The following PCED1B variants were observed in gnomAD, a reference collection of about 807,000 sequenced individuals.
The protein encoded by PCED1B is PC-esterase domain containing 1B.
For synonymous variants in PCED1B, 251 were observed against 246.1 expected (o/e 1.02, Z -0.19); for missense variants, 573 against 573.9 (o/e 1.00, Z 0.02).
intron 2 of PCED1B, among the ~76,000 whole-genome samples, chr12:47,179,321 C>T (rs1447894570): frequency 6.6e-6 from 1 of 152,180 alleles, no homozygotes; most frequent in Non-Finnish European, 1.5e-5. Context: ...CATCAAAGCT[C>T]ATCAGAACAT....
At chr12:47,149,707 G>A (rs991332238) in intron 2 of PCED1B, among the ~76,000 whole-genome samples, 22 of 152,154 alleles carry the variant, frequency 1.4e-4, no homozygotes, top group African/African-American at 5.1e-4. Context: ...CTTATTCATT[G>A]TGGAGAATTT....
chr12:47,190,940 G>A (rs557194814), intron 2 of PCED1B, among the ~76,000 whole-genome samples: 1 of 152,272 alleles, frequency 6.6e-6, no homozygotes, highest in Admixed American at 6.5e-5. Context: ...ACTTCTGGAT[G>A]CCATCAAGGA....
At chr12:47,133,766 T>A (rs953765052) in intron 2 of PCED1B, among the ~76,000 whole-genome samples, 16 of 152,174 alleles carry the variant, frequency 1.1e-4, no homozygotes, top group Admixed American at 7.2e-4. Flanking sequence ...ATGGACTGAA[T>A]GTTTCTGTCC....
chr12:47,178,592 G>C (rs752457956), intron 2 of PCED1B, among the ~76,000 whole-genome samples: 1 of 152,130 alleles, frequency 6.6e-6, no homozygotes, highest in East Asian at 1.9e-4. Context: ...GATGAGGCCA[G>C]GCGCGGTGGT....
intron 1 of PCED1B, among the ~76,000 whole-genome samples, chr12:47,081,024 A>T (rs376197426): frequency 6.6e-6 from 1 of 152,224 alleles, no homozygotes; most frequent in African/African-American, 2.4e-5. Flanking sequence ...GAACAAGGCC[A>T]TTCAGAAATG....
chr12:47,091,860 G>A (rs140772044), intron 1 of PCED1B, among the ~76,000 whole-genome samples: 1 of 152,158 alleles, frequency 6.6e-6, no homozygotes, highest in Non-Finnish European at 1.5e-5. Flanking sequence ...TATATGTGCA[G>A]GTCTACTTCT....
intron 2 of PCED1B, among the ~76,000 whole-genome samples, chr12:47,199,717 A>G (rs1191761798): frequency 5.9e-5 from 9 of 152,250 alleles, no homozygotes; most frequent in African/African-American, 2.2e-4. Context: ...TTTCACAAAA[A>G]TTAACTCAAA....
At chr12:47,111,998 T>C (rs531803117) in intron 2 of PCED1B, among the ~76,000 whole-genome samples, 1 of 152,120 alleles carries the variant, frequency 6.6e-6, no homozygotes, top group Non-Finnish European at 1.5e-5. Context: ...AGCCCCTCCA[T>C]AAGATGGCCA....
intron 2 of PCED1B, among the ~76,000 whole-genome samples, chr12:47,186,190 C>T (rs1294969163): frequency 3.3e-5 from 5 of 150,730 alleles, no homozygotes; most frequent in Non-Finnish European, 7.4e-5. Context: ...TGCACTCCAG[C>T]CTGGGTGACA....
At chr12:47,084,866 T>G (rs1937903450) in intron 1 of PCED1B, among the ~76,000 whole-genome samples, 1 of 152,254 alleles carries the variant, frequency 6.6e-6, no homozygotes, top group Non-Finnish European at 1.5e-5. Flanking sequence ...CTGGGATCGG[T>G]GGCTCATGCC....
intron 3 of PCED1B, among the ~76,000 whole-genome samples, chr12:47,230,748 C>A (rs1331623526): frequency 6.6e-6 from 1 of 152,106 alleles, no homozygotes; most frequent in African/African-American, 2.4e-5. Context: ...GGCCAACATA[C>A]CATTAATATA....
At chr12:47,120,660 G>T (rs1378951122) in intron 2 of PCED1B, among the ~76,000 whole-genome samples, 1 of 152,066 alleles carries the variant, frequency 6.6e-6, no homozygotes, top group Non-Finnish European at 1.5e-5. Context: ...AAATTAGCTA[G>T]GCATGGTGGT....
At chr12:47,187,924 T>C (rs1565590699) in intron 2 of PCED1B, 1 of 154,234 alleles carries the variant, frequency 6.5e-6, no homozygotes, top group Non-Finnish European at 1.5e-5. Flanking sequence ...CACCTGGGTC[T>C]GTCCTTTATC....
rs1361992338 is a variant in PCED1B at position 47,115,713 on chromosome 12, C to T, written c.-526+11518C>T. 2.6e-5 allele frequency among the ~76,000 whole-genome samples: 4 copies of T among 152,310 alleles called. No homozygotes were observed. In the South Asian group the frequency reaches 8.3e-4, roughly 32 times the overall value. On this transcript the variant is annotated intron_variant, in intron 2 of 3. Coordinates refer to ENST00000546455, the MANE Select transcript of PCED1B (RefSeq NM_138371.3). Reference sequence around the variant, plus strand: ...TTCACCTAATGTACAACCATTTATTCTCTAAGTGAGGTAATGACATGATGA... The same window carrying T: ...TTCACCTAATGTACAACCATTTATTTTCTAAGTGAGGTAATGACATGATGA...
At chr12:47,134,320 CT>C (rs1940255458) in intron 2 of PCED1B, among the ~76,000 whole-genome samples, 2 of 152,282 alleles carry the variant, frequency 1.3e-5, no homozygotes, top group Admixed American at 1.3e-4. Context: ...CAACATGAAA[CT>C]TTTTCCTTTC....
chr12:47,126,355 A>G (rs963522321), intron 2 of PCED1B, among the ~76,000 whole-genome samples: 9 of 152,062 alleles, frequency 5.9e-5, no homozygotes, highest in Non-Finnish European at 8.8e-5. Flanking sequence ...CCTGGAGTAA[A>G]CCCACTTGTT....
chr12:47,220,155 A>G (rs832721), intron 3 of PCED1B, among the ~76,000 whole-genome samples: 21,667 of 151,164 alleles, frequency 0.14, 3,352 homozygotes, highest in African/African-American at 0.39. Context: ...GGGCAACCTT[A>G]GGCAATTTAT....
At chr12:47,176,972 T>C (rs1941944779) in intron 2 of PCED1B, among the ~76,000 whole-genome samples, 1 of 152,202 alleles carries the variant, frequency 6.6e-6, no homozygotes, top group African/African-American at 2.4e-5. Flanking sequence ...CCAGTGGGGA[T>C]GGCAGGAAGA....
chr12:47,232,368 C>CT, intron 3 of PCED1B, among the ~76,000 whole-genome samples: 1 of 152,136 alleles, frequency 6.6e-6, no homozygotes, highest in East Asian at 1.9e-4. Context: ...CAACTGTTCT[C>CT]TTATGAAACT....
Sources: allele counts gnomAD v4.1 joint callset (sites outside exome capture counted in the v4.1 genomes callset), GRCh38; gene constraint gnomAD v4.1.1; transcripts MANE v1.5; gene names NCBI Gene and HGNC (gene_info 2026-07-23, HGNC 2026-07-21).